CHD1: variants seen among roughly 807,000 people sequenced by gnomAD.
The protein encoded by CHD1 is chromodomain helicase DNA binding protein 1, also known as ATP-dependent chromatin remodeler CHD1.
In CHD1, 36 loss-of-function variants were observed where a neutral mutation model predicts 224.2. That is an observed-to-expected ratio of 0.16 (90% CI 0.12 to 0.21). The LOEUF (loss-of-function observed/expected upper bound fraction) is 0.21. Among genes scored for constraint, CHD1 ranks in the 10% least tolerant of loss-of-function variants. CHD1 has a pLI of 1.00. For synonymous variants in CHD1, 668 were observed against 658.3 expected, an observed-to-expected ratio of 1.01 and a Z score of -0.23; for missense variants, 1,378 against 1,994.8, an observed-to-expected ratio of 0.69 and a Z score of 5.89.
chr5:98,925,982 T>C (rs1251139170), intron 2 of CHD1, among the ~76,000 whole-genome samples: 1 of 151,618 alleles, frequency 6.6e-6, no homozygotes, highest in African/African-American at 2.4e-5. Context: ...AGTGAAAAAA[T>C]TTTTATTGCC....
At chr5:98,881,722 G>A (rs1041721702) in intron 20 of CHD1, among the ~76,000 whole-genome samples, 2 of 151,982 alleles carry the variant, frequency 1.3e-5, no homozygotes, top group Non-Finnish European at 2.9e-5. Context: ...GTTGCCTAGT[G>A]CAGTATATTT....
intron 23 of CHD1, among the ~76,000 whole-genome samples, chr5:98,877,796 T>C (rs1749873209): frequency 6.6e-6 from 1 of 152,152 alleles, no homozygotes; most frequent in Non-Finnish European, 1.5e-5. Context: ...ATAACATGCA[T>C]GGTTACTTTC....
chr5:98,915,785 T>C (rs1752693413), intron 2 of CHD1, among the ~76,000 whole-genome samples: 1 of 152,202 alleles, frequency 6.6e-6, no homozygotes, highest in Non-Finnish European at 1.5e-5. Context: ...ATAAAATATG[T>C]TGAAGCTATA....
chr5:98,873,414 G>A (rs1266169454), intron 26 of CHD1, among the ~76,000 whole-genome samples, 179 bp downstream of exon 26: 1 of 152,064 alleles, frequency 6.6e-6, no homozygotes, highest in African/African-American at 2.4e-5. Context: ...AGATTCTACT[G>A]CCTTCGAATT....
chr5:98,901,406 A>T (rs1751703243), intron 5 of CHD1, 71 bp from the exon 6 acceptor site: 1 of 1,250,970 alleles, frequency 8.0e-7, no homozygotes, highest in Non-Finnish European at 1.1e-6. Flanking sequence ...TACAAAGATG[A>T]TCAAATCAAC....
At position 98,889,384 on chromosome 5, in the gene CHD1, A is replaced by C. The variant is rs537735802; in HGVS notation, c.2181-146T>G. The C allele has an allele frequency of 1.0e-4, 57 of 566,620 alleles. No homozygotes were observed. In the South Asian group the frequency reaches 1.5e-3, roughly 15 times the overall value. 35.1% of individuals were successfully genotyped at this position (566,620 alleles called of 1,614,324 possible). ...AAATTCACAGCTGTATATACAACGG[A>C]CCAAACCTCTTTCATAATACTCATG... On this transcript the variant is annotated intron_variant, in intron 15 of 35. Coordinates refer to ENST00000614616, the MANE Select transcript of CHD1 (RefSeq NM_001270.4).
chr5:98,890,685 T>C (rs919794061), intron 15 of CHD1, among the ~76,000 whole-genome samples: 2 of 152,182 alleles, frequency 1.3e-5, no homozygotes, highest in African/African-American at 4.8e-5. Context: ...TAATCGCCAT[T>C]GTGTACTACA....
chr5:98,926,262 T>C (rs905848911), intron 2 of CHD1, 72 bp downstream of exon 2: 3 of 921,564 alleles, frequency 3.3e-6, no homozygotes, highest in Admixed American at 2.7e-5. Flanking sequence ...ATAACAACAA[T>C]AACAATAAAG....
chr5:98,894,196 G>T (rs1408983968), intron 13 of CHD1, among the ~76,000 whole-genome samples: 1 of 152,148 alleles, frequency 6.6e-6, no homozygotes, highest in African/African-American at 2.4e-5. Context: ...AATTAAATAA[G>T]ACAGTATCTA....
chr5:98,856,494 A>G lies in CHD1; in HGVS notation c.5019T>C (p.Ser1673=). 1 of 1,613,896 alleles carries G rather than the reference A, an allele frequency of 6.2e-7. No homozygotes were observed. Among genetic ancestry groups the G allele is most frequent in the Non-Finnish European group, 8.5e-7 (1 of 1,179,806 alleles). ...TCTGATCTAGTGGTGACCTAGGGCC[A>G]CTGCTGGAAGCTCTGTGGTCCATTT... The part of the protein sequence containing the change: ...DWQMDHRASS[S]GPRSPLDQRS... Residue 1673 remains serine (S), a synonymous_variant, in exon 36 of 36, where the codon AGT becomes AGC. Coordinates refer to ENST00000614616, the MANE Select transcript of CHD1 (RefSeq NM_001270.4).
chr5:98,872,636 C>T, intron 26 of CHD1, 81 bp from the exon 27 acceptor site: 1 of 1,160,984 alleles, frequency 8.6e-7, no homozygotes, highest in South Asian at 1.3e-5. Flanking sequence ...GATGCTATTA[C>T]TTATGTTATT....
chr5:98,886,558 G>A (rs35394679), intron 17 of CHD1, among the ~76,000 whole-genome samples: 3,220 of 152,132 alleles, frequency 0.021, 120 homozygotes, highest in African/African-American at 0.074. Flanking sequence ...GCATTTAACC[G>A]ACGAATTAAA....
Position 98,858,354 on chromosome 5 carries a change from T to A in CHD1, c.4613A>T (p.Asp1538Val). The A allele has an allele frequency of 6.2e-7, 1 of 1,613,050 alleles. No homozygotes were observed. Among genetic ancestry groups the A allele is most frequent in the Non-Finnish European group, 8.5e-7 (1 of 1,179,176 alleles). Residue 1538 changes from aspartate to valine, a missense_variant, in exon 35 of 36, where the codon GAT (aspartate) becomes GTT (valine). By Grantham distance (152) the Asp-to-Val change is radical. Transcript: ENST00000614616. ...AGAGGAATAACTGTCCCTGCTGCTATCATCGTGATTTGTATTCTCTTTTAA... is the reference window on the plus strand; with the variant it reads ...AGAGGAATAACTGTCCCTGCTGCTAACATCGTGATTTGTATTCTCTTTTAA... ...ERLKENTNHDDSSRDSYSSDR... is the reference protein window; with the variant it reads ...ERLKENTNHDVSSRDSYSSDR...
chr5:98,908,007 T>C (rs999381088), intron 2 of CHD1, among the ~76,000 whole-genome samples: 3 of 152,222 alleles, frequency 2.0e-5, no homozygotes, highest in African/African-American at 7.2e-5. Flanking sequence ...TATTTCCACC[T>C]ACTGCTGCAA....
intron 23 of CHD1, among the ~76,000 whole-genome samples, chr5:98,877,766 G>C (rs1749870236): frequency 6.6e-6 from 1 of 152,064 alleles, no homozygotes; most frequent in Non-Finnish European, 1.5e-5. Flanking sequence ...GGGGTTTGGA[G>C]AAATAAACAG....
Position 98,871,960 on chromosome 5 carries a change from T to C in CHD1, c.3861+91A>G, listed in dbSNP as rs1749384892. On this transcript the variant is annotated intron_variant, in intron 28 of 35. Coordinates refer to ENST00000614616, the MANE Select transcript of CHD1 (RefSeq NM_001270.4). ...ACCAGCTAGTGCCTTGGTTTCCAGA[T>C]TTCCATTATTTCCAACATAATTTAA... 8.9e-6 allele frequency: 11 copies of C among 1,237,728 alleles called. No individual in the cohort carries two copies. The Admixed American group carries it at 2.6e-4, about 29-fold the overall frequency. The allele number at this position is 1,237,728 out of a possible 1,614,324, so 76.7% of individuals were successfully genotyped here. A position where few individuals can be genotyped will look rare whatever the true frequency, so the allele number is the denominator to read the frequency against.
At chr5:98,885,741 G>A in intron 17 of CHD1, 92 bp from the exon 18 acceptor site, 1 of 770,004 alleles carries the variant, frequency 1.3e-6, no homozygotes, top group Non-Finnish European at 2.2e-6. Flanking sequence ...GAAATGTGAA[G>A]CATGTCCTTT....
chr5:98,869,620 G>GTGCA, intron 30 of CHD1, 134 bp downstream of exon 30: 1 of 754,062 alleles, frequency 1.3e-6, no homozygotes, highest in East Asian at 2.9e-5. Context: ...GCACGTGCGC[G>GTGCA]CGCACACACA....
chr5:98,862,378 G>A (rs1748545704), intron 32 of CHD1, among the ~76,000 whole-genome samples: 1 of 152,136 alleles, frequency 6.6e-6, no homozygotes, highest in Non-Finnish European at 1.5e-5. Context: ...GTAAAGAAAA[G>A]TGAGGTGAGA....
Sources: allele counts gnomAD v4.1 joint callset (sites outside exome capture counted in the v4.1 genomes callset), GRCh38; gene constraint gnomAD v4.1.1; transcripts MANE v1.5; gene names NCBI Gene and HGNC (gene_info 2026-07-23, HGNC 2026-07-21).